MTF2: variants seen among roughly 807,000 people sequenced by gnomAD.
The protein encoded by MTF2 is metal-response element-binding transcription factor 2.
In MTF2, 11 loss-of-function variants were observed where a neutral mutation model predicts 79.5. The ratio of observed to expected loss-of-function variants is 0.14; its 90% CI spans 0.09 to 0.23. The LOEUF (loss-of-function observed/expected upper bound fraction) is 0.23. MTF2 is among the 10% of genes least tolerant of loss of function. The pLI is 1.00. For synonymous variants in MTF2, 208 were observed against 232.8 expected (o/e 0.89, Z 0.97); for missense variants, 486 against 711.2 (o/e 0.68, Z 3.60).
At chr1:93,117,317 C>T (rs1443934019) in intron 6 of MTF2, among the ~76,000 whole-genome samples, 1 of 152,060 alleles carries the variant, frequency 6.6e-6, no homozygotes. Context: ...GTGGGAGGAT[C>T]CTTTGAACCC....
chr1:93,127,164 A>C (rs947307728), intron 9 of MTF2, 68 bp from the exon 10 acceptor site: 8 of 1,086,586 alleles, frequency 7.4e-6, no homozygotes, highest in South Asian at 2.5e-5. Flanking sequence ...CATTGCCTCT[A>C]TCTAGCACCT....
chr1:93,097,104 C>T (rs894405511), intron 1 of MTF2, among the ~76,000 whole-genome samples: 4 of 152,148 alleles, frequency 2.6e-5, no homozygotes, highest in African/African-American at 7.2e-5. Context: ...GCCACTGCGC[C>T]TGGCCTAAAA....
At chr1:93,088,121 C>G (rs1401272203) in intron 1 of MTF2, among the ~76,000 whole-genome samples, 2 of 152,012 alleles carry the variant, frequency 1.3e-5, no homozygotes, top group African/African-American at 2.4e-5. Context: ...TTATTTTTTT[C>G]TCGTTGGTCT....
At chr1:93,092,488 C>T (rs1448272808) in intron 1 of MTF2, among the ~76,000 whole-genome samples, 1 of 152,084 alleles carries the variant, frequency 6.6e-6, no homozygotes, top group Non-Finnish European at 1.5e-5. Flanking sequence ...TTTCTGTTCC[C>T]TCCGCCCCTT....
intron 1 of MTF2, among the ~76,000 whole-genome samples, chr1:93,082,289 T>TTC (rs1654639205): frequency 6.6e-6 from 1 of 151,396 alleles, no homozygotes; most frequent in Non-Finnish European, 1.5e-5. Context: ...TTTTTTTTTT[T>TTC]CTGTAAAAAG....
chr1:93,132,519 G>C (rs916826220), intron 11 of MTF2, among the ~76,000 whole-genome samples: 1 of 152,138 alleles, frequency 6.6e-6, no homozygotes, highest in Non-Finnish European at 1.5e-5. Context: ...CTTTTAGTTT[G>C]AGATTACTTT....
chr1:93,115,334 T>C, intron 5 of MTF2, 136 bp from the exon 6 acceptor site: 6 of 750,166 alleles, frequency 8.0e-6, no homozygotes, highest in Non-Finnish European at 1.2e-5. Flanking sequence ...GAGATTATTA[T>C]TAATCAGACA....
intron 11 of MTF2, among the ~76,000 whole-genome samples, chr1:93,133,477 A>G (rs1052645046): frequency 1.1e-4 from 17 of 152,174 alleles, no homozygotes; most frequent in Non-Finnish European, 2.1e-4. Flanking sequence ...GACTTTCTTT[A>G]AACCTTTCAT....
intron 1 of MTF2, among the ~76,000 whole-genome samples, chr1:93,085,003 C>A (rs937759767): frequency 6.6e-6 from 1 of 152,136 alleles, no homozygotes; most frequent in Non-Finnish European, 1.5e-5. Context: ...AGTACTTGAG[C>A]CCCTCTGTTG....
rs184955490 is a variant in MTF2 at position 93,126,593 on chromosome 1, A to G, written c.922-639A>G. 2.6e-5 allele frequency among the ~76,000 whole-genome samples: 4 copies of G among 152,204 alleles called. No individual in the cohort carries two copies. In the East Asian group the frequency reaches 7.7e-4, roughly 29 times the overall value. On this transcript the variant is annotated intron_variant, in intron 9 of 14. Transcript: ENST00000370298. Reference sequence around the variant, plus strand: ...AAGAGGCAGAAAGGTCTCTGAGAAAAAGCCCTATTGGAACAAAATAGGGTT... The same window carrying G: ...AAGAGGCAGAAAGGTCTCTGAGAAAGAGCCCTATTGGAACAAAATAGGGTT...
chr1:93,096,182 C>T (rs889827752), intron 1 of MTF2, among the ~76,000 whole-genome samples: 6 of 152,186 alleles, frequency 3.9e-5, no homozygotes, highest in African/African-American at 1.2e-4. Context: ...GTAACATGAA[C>T]GTGGAACATC....
rs368729600 is a variant in MTF2 at position 93,118,462 on chromosome 1, T to C, written c.728+22T>C. 1.4e-5 allele frequency: 21 copies of C among 1,498,886 alleles called. No individual in the cohort carries two copies. The African/African-American group carries it at 2.5e-4, about 18-fold the overall frequency. The allele number at this position is 1,498,886 out of a possible 1,614,324, so 92.8% of individuals were successfully genotyped here. On this transcript the variant is annotated intron_variant, in intron 7 of 14. Transcript: ENST00000370298. Reference sequence around the variant, plus strand: ...ACAGGTGAGAAGGGCATTTGAACTTTACTGGCTGATTTTTGTCACTTTTTA... The same window carrying C: ...ACAGGTGAGAAGGGCATTTGAACTTCACTGGCTGATTTTTGTCACTTTTTA...
chr1:93,125,166 C>CTAATTT (rs1180412326), intron 9 of MTF2, among the ~76,000 whole-genome samples: 3 of 151,852 alleles, frequency 2.0e-5, no homozygotes, highest in Non-Finnish European at 4.4e-5. Context: ...TTGCTGTTGA[C>CTAATTT]TCAGCAAATT....
At position 93,137,147 on chromosome 1, in the gene MTF2, A is replaced by G. The variant is rs926620176; in HGVS notation, c.*120A>G. 9 of 783,170 alleles carry G rather than the reference A, an allele frequency of 1.1e-5. No homozygotes were observed. Among genetic ancestry groups the G allele is most frequent in the Non-Finnish European group, 1.8e-5 (9 of 502,766 alleles). 48.5% of individuals were successfully genotyped at this position (783,170 alleles called of 1,614,324 possible). A position where few individuals can be genotyped will look rare whatever the true frequency, so the allele number is the denominator to read the frequency against. ...AAAAAAAAAAAGTCAAAAAAATTCA[A>G]AAAAGGGGATGATACTAGCCTTAAC... On this transcript the variant is annotated 3_prime_UTR_variant, in exon 15 of 15. Transcript: ENST00000370298.
intron 1 of MTF2, among the ~76,000 whole-genome samples, chr1:93,089,849 C>CTT (rs368478215): frequency 2.8e-3 from 405 of 144,120 alleles, no homozygotes; most frequent in South Asian, 6.9e-3. Context: ...CTTGATTTTC[C>CTT]TTTTTTTTTT....
At chr1:93,095,116 A>G (rs1392789010) in intron 1 of MTF2, among the ~76,000 whole-genome samples, 3 of 152,098 alleles carry the variant, frequency 2.0e-5, no homozygotes, top group Non-Finnish European at 4.4e-5. Context: ...TGCTGCCTCA[A>G]ACTCCTGGGC....
At chr1:93,096,902 C>T (rs551765304) in intron 1 of MTF2, among the ~76,000 whole-genome samples, 2 of 150,990 alleles carry the variant, frequency 1.3e-5, no homozygotes, top group South Asian at 2.1e-4. Flanking sequence ...CCTTAATCTC[C>T]TGGGCTCAAC....
chr1:93,098,484 ATTGTATAT>A (rs1284537017), intron 1 of MTF2, among the ~76,000 whole-genome samples: 17 of 152,216 alleles, frequency 1.1e-4, no homozygotes, highest in African/African-American at 4.1e-4. Context: ...TATAGCAGGC[ATTGTATAT>A]TTGTTGAATG....
At chr1:93,080,268 T>C (rs1039141297) in intron 1 of MTF2, among the ~76,000 whole-genome samples, 3 of 152,206 alleles carry the variant, frequency 2.0e-5, no homozygotes, top group Admixed American at 2.0e-4. Flanking sequence ...ACAACTGAGG[T>C]AATTACGGCT....
Sources: allele counts gnomAD v4.1 joint callset (sites outside exome capture counted in the v4.1 genomes callset), GRCh38; gene constraint gnomAD v4.1.1; transcripts MANE v1.5; gene names NCBI Gene and HGNC (gene_info 2026-07-23, HGNC 2026-07-21).